NOXRED1: variants seen among roughly 807,000 people sequenced by gnomAD.
NOXRED1 encodes the protein NADP-dependent oxidoreductase domain-containing protein 1.
A neutral mutation model predicts 30.4 loss-of-function variants in NOXRED1; 20 were observed. The observed-to-expected ratio is 0.66, with a 90% CI of 0.46 to 0.96. The LOEUF is 0.96. NOXRED1 is among the 40% of genes least tolerant of loss of function. The pLI is 0.00. For missense variants in NOXRED1, 374 were observed against 428.0 expected (o/e 0.87, Z 1.11); for synonymous variants, 155 against 168.0 (o/e 0.92, Z 0.60).
chr14:77,408,892 A>AGTTTTTTTTTTT (rs1894555831), intron 2 of NOXRED1, among the ~76,000 whole-genome samples: 1 of 68,154 alleles, frequency 1.5e-5, no homozygotes, highest in Non-Finnish European at 2.7e-5. Flanking sequence ...CTGGTAGTTA[A>AGTTTTTTTTTTT]TTTTTTTTTT....
chr14:77,406,195 C>T lies in NOXRED1; in HGVS notation c.683-60G>A, dbSNP rs535981353. The T allele has an allele frequency of 7.6e-5, 95 of 1,244,332 alleles. No individual in the cohort carries two copies. In the African/African-American group the frequency reaches 1.3e-3, roughly 16 times the overall value. 77.1% of individuals were successfully genotyped at this position (1,244,332 alleles called of 1,614,324 possible). ...ACCACCAAAAATGAGTTGCAGAAAACCTAGAATAAACCCCTGACAGTGAAT... is the reference window on the plus strand; with the variant it reads ...ACCACCAAAAATGAGTTGCAGAAAATCTAGAATAAACCCCTGACAGTGAAT... On this transcript the variant is annotated intron_variant, in intron 4 of 5. Coordinates refer to ENST00000380835, the MANE Select transcript of NOXRED1 (RefSeq NM_001113475.3).
Position 77,394,805 on chromosome 14 carries a change from C to T in NOXRED1, c.906G>A (p.Arg302=), listed in dbSNP as rs1472120903. 3.7e-6 allele frequency: 6 copies of T among 1,606,558 alleles called. No individual in the cohort carries two copies. Among genetic ancestry groups the T allele is most frequent in the Admixed American group, 3.4e-5 (2 of 58,654 alleles). ...KAYGKNLSQE[R]PFPWFDLTAV... is the part of the protein sequence containing the mutation. The stretch of plus-strand genomic sequence containing the variant: ...CAGTCAGATCAAACCAGGGGAAAGG[C>T]CTGAGGTGAAAAAAATATTGTTACT... Residue 302 remains arginine (R), a splice_region_variant and synonymous_variant, in exon 6 of 6, where the codon AGG becomes AGA. Coordinates refer to ENST00000380835, the MANE Select transcript of NOXRED1 (RefSeq NM_001113475.3).
chr14:77,410,423 G>A (rs1894620175), intron 2 of NOXRED1, among the ~76,000 whole-genome samples: 1 of 152,080 alleles, frequency 6.6e-6, no homozygotes, highest in Non-Finnish European at 1.5e-5. Flanking sequence ...TGGCCAACAT[G>A]GCAAAACCCT....
At chr14:77,423,599 C>G (rs1381224258), upstream of NOXRED1, 4 of 152,184 alleles carry the variant, frequency 2.6e-5, no homozygotes, top group Non-Finnish European at 4.4e-5. Context: ...GTCTCTAAGT[C>G]TTAAAGAGGC....
In NOXRED1 at chr14:77,394,657, T is replaced by C; in HGVS notation, c.1054A>G (p.Ile352Val). Residue 352 changes from isoleucine (I) to valine (V), a missense_variant, in exon 6 of 6, where the codon ATT (isoleucine) becomes GTT (valine). Physicochemically the swap from Ile to Val is conservative, Grantham distance 29. Coordinates refer to ENST00000380835, the MANE Select transcript of NOXRED1 (RefSeq NM_001113475.3). The stretch of plus-strand genomic sequence containing the variant: ...TATTGGGATGGAAAGCCTGTGGAAA[T>C]GACTGGCTGTTCTTTGGTTAGGGAG... ...GISLTKEQPV[I>V]STGFPSQ 1 of 1,612,332 alleles carries C rather than the reference T, an allele frequency of 6.2e-7. No individual in the cohort carries two copies. The highest frequency in any genetic ancestry group is 1.1e-5 in the South Asian group (1 of 90,608).
At chr14:77,397,517 G>A (rs1894219157) in intron 5 of NOXRED1, among the ~76,000 whole-genome samples, 1 of 152,122 alleles carries the variant, frequency 6.6e-6, no homozygotes, top group Non-Finnish European at 1.5e-5. Flanking sequence ...TGGAAAATGG[G>A]TAAATGGGTA....
intron 1 of NOXRED1, among the ~76,000 whole-genome samples, chr14:77,420,825 G>A (rs1894975513): frequency 6.6e-6 from 1 of 152,114 alleles, no homozygotes; most frequent in Non-Finnish European, 1.5e-5. Flanking sequence ...GAGATTCTGG[G>A]GCCTGTCAAA....
chr14:77,407,953 C>T (rs1468090147), intron 2 of NOXRED1, among the ~76,000 whole-genome samples: 2 of 151,618 alleles, frequency 1.3e-5, no homozygotes, highest in African/African-American at 4.9e-5. Flanking sequence ...CTGCAACCTC[C>T]GCCTCCCGGG....
intron 5 of NOXRED1, among the ~76,000 whole-genome samples, chr14:77,398,606 C>T (rs553024817): frequency 2.0e-5 from 3 of 152,166 alleles, no homozygotes; most frequent in Non-Finnish European, 4.4e-5. Flanking sequence ...TACAGGCTCA[C>T]TCAAAGACTG....
At chr14:77,420,017 G>C (rs188754608) in intron 1 of NOXRED1, among the ~76,000 whole-genome samples, 2 of 152,078 alleles carry the variant, frequency 1.3e-5, no homozygotes, top group South Asian at 4.1e-4. Context: ...TCCTTCCTCA[G>C]ATCTGGGATG....
At chr14:77,415,076 T>C (rs1411578429) in intron 1 of NOXRED1, among the ~76,000 whole-genome samples, 2 of 152,080 alleles carry the variant, frequency 1.3e-5, no homozygotes, top group African/African-American at 4.8e-5. Context: ...CCCAGGAGGC[T>C]GAGGTGGGAG....
intron 5 of NOXRED1, among the ~76,000 whole-genome samples, chr14:77,400,043 G>A (rs903237027): frequency 2.6e-5 from 4 of 152,102 alleles, no homozygotes; most frequent in Non-Finnish European, 5.9e-5. Context: ...GATCATGCAA[G>A]CAAGGAGAGA....
chr14:77,410,121 G>A (rs998351592), intron 2 of NOXRED1, among the ~76,000 whole-genome samples: 1 of 150,608 alleles, frequency 6.6e-6, no homozygotes, highest in South Asian at 2.1e-4. Context: ...TTTTTTTTTA[G>A]TTTCCTTAGG....
intron 2 of NOXRED1, among the ~76,000 whole-genome samples, chr14:77,413,713 C>T (rs1430997790): frequency 1.3e-5 from 2 of 152,082 alleles, no homozygotes; most frequent in Non-Finnish European, 2.9e-5. Context: ...CCACCAAGGG[C>T]ACAGGGAGGA....
chr14:77,410,064 G>A lies in NOXRED1; in HGVS notation c.350-2419C>T, dbSNP rs1894604815. 2.0e-5 allele frequency among the ~76,000 whole-genome samples: 3 copies of A among 151,890 alleles called. No individual in the cohort carries two copies. The South Asian group carries it at 6.2e-4, about 31-fold the overall frequency. On this transcript the variant is annotated intron_variant, in intron 2 of 5. Transcript: ENST00000380835. Reference sequence around the variant, plus strand: ...GTGATGCAGCTGACTCAGTCTCTCAGAGTGCTGGGATTACCGGCATGAGCC... The same window carrying A: ...GTGATGCAGCTGACTCAGTCTCTCAAAGTGCTGGGATTACCGGCATGAGCC...
intron 1 of NOXRED1, among the ~76,000 whole-genome samples, chr14:77,416,576 A>G (rs1037479979): frequency 4.6e-5 from 7 of 152,238 alleles, no homozygotes; most frequent in African/African-American, 1.7e-4. Flanking sequence ...GTACAGAACA[A>G]AATGAAAAGT....
chr14:77,411,476 A>T (rs1255634629), intron 2 of NOXRED1, among the ~76,000 whole-genome samples: 1 of 83,740 alleles, frequency 1.2e-5, no homozygotes, highest in South Asian at 3.3e-4. Context: ...TCTCAAAAAA[A>T]AAAAAAAAAA....
intron 2 of NOXRED1, among the ~76,000 whole-genome samples, chr14:77,412,019 C>T (rs1246758523): frequency 5.4e-5 from 8 of 147,976 alleles, no homozygotes; most frequent in South Asian, 2.2e-4. Context: ...CGCTTGAACC[C>T]GGGAGGCAGA....
rs1594884523 is a variant in NOXRED1, at chr14:77,422,968, G to A, written c.-79C>T. The A allele has an allele frequency of 4.8e-6, 6 of 1,239,802 alleles. No individual in the cohort carries two copies. Among genetic ancestry groups the A allele is most frequent in the Admixed American group, 2.0e-5 (1 of 49,778 alleles). 76.8% of individuals were successfully genotyped at this position (1,239,802 alleles called of 1,614,324 possible). On this transcript the variant is annotated 5_prime_UTR_variant, in exon 1 of 6. Transcript: ENST00000380835. ...CCCGGTAGAAGAGGGGTCTATGTAGGAGGTGTGTGTATGATGGTGTGTGTG... is the reference window on the plus strand; with the variant it reads ...CCCGGTAGAAGAGGGGTCTATGTAGAAGGTGTGTGTATGATGGTGTGTGTG...
Sources: gnomAD v4.1 joint callset for allele counts (sites outside exome capture counted in the v4.1 genomes callset) on GRCh38, gnomAD v4.1.1 for gene constraint, MANE v1.5 for transcripts, NCBI Gene and HGNC (gene_info 2026-07-23, HGNC 2026-07-21) for gene names.